The following SPOPL variants were observed in gnomAD, a reference collection of about 807,000 sequenced individuals.
SPOPL encodes the protein speckle type BTB/POZ protein like.
In SPOPL, 23 loss-of-function variants were observed where a neutral mutation model predicts 53.8. That is an observed-to-expected ratio of 0.43 (90% CI 0.31 to 0.61). The LOEUF (loss-of-function observed/expected upper bound fraction) is 0.61. SPOPL is among the 20% of genes least tolerant of loss of function. The probability of loss-of-function intolerance (pLI) is 0.12; values close to 1 mark genes in which losing one functional copy is unlikely to be tolerated. For missense variants in SPOPL, 442 were observed against 466.9 expected (o/e 0.95, Z 0.49); for synonymous variants, 164 against 149.7 (o/e 1.10, Z -0.70).
chr2:138,529,835 A>C (rs1040526603), intron 1 of SPOPL, among the ~76,000 whole-genome samples: 1 of 152,144 alleles, frequency 6.6e-6, no homozygotes, highest in Non-Finnish European at 1.5e-5. Context: ...TTTTATTTTA[A>C]GTTCAGGGGT....
chr2:138,524,211 G>A (rs1255692296), intron 1 of SPOPL, among the ~76,000 whole-genome samples: 1 of 152,182 alleles, frequency 6.6e-6, no homozygotes, highest in African/African-American at 2.4e-5. Context: ...CACCCTCTGA[G>A]GCCACAGCCT....
rs1259995471 is a variant in SPOPL at position 138,571,252 on chromosome 2, C to T, written c.*2172C>T. 6.6e-6 allele frequency: 1 copy of T among 152,356 alleles called. No individual in the cohort carries two copies. The highest frequency in any genetic ancestry group is 6.6e-5 in the Admixed American group (1 of 15,226). The allele number at this position is 152,356 out of a possible 1,614,324, so 9.4% of individuals were successfully genotyped here. ...CATTTATATCCAATGCGCACCACAC[C>T]GGCACATTGTGATTTAATTCACCGC... On this transcript the variant is annotated 3_prime_UTR_variant, in exon 11 of 11. Transcript: ENST00000280098.
intron 1 of SPOPL, among the ~76,000 whole-genome samples, chr2:138,549,460 A>G (rs916056118): frequency 6.6e-6 from 1 of 152,158 alleles, no homozygotes; most frequent in Non-Finnish European, 1.5e-5. Flanking sequence ...GTTACAAAGC[A>G]GCAGCATCTG....
At chr2:138,516,749 C>G (rs1684446456) in intron 1 of SPOPL, among the ~76,000 whole-genome samples, 1 of 152,148 alleles carries the variant, frequency 6.6e-6, no homozygotes, top group African/African-American at 2.4e-5. Context: ...TGGAAGAAGG[C>G]TGGAAAAGTG....
intron 1 of SPOPL, among the ~76,000 whole-genome samples, chr2:138,534,074 T>C (rs1684875141): frequency 6.6e-6 from 1 of 152,164 alleles, no homozygotes; most frequent in African/African-American, 2.4e-5. Context: ...GCTAACACAC[T>C]TGATATACTG....
intron 1 of SPOPL, among the ~76,000 whole-genome samples, chr2:138,504,332 C>T (rs140281376): frequency 6.6e-6 from 1 of 152,326 alleles, no homozygotes; most frequent in East Asian, 1.9e-4. Context: ...TGATTTTCAT[C>T]TCTCACTGCT....
intron 8 of SPOPL, among the ~76,000 whole-genome samples, chr2:138,561,203 C>T (rs1012100326): frequency 6.6e-6 from 1 of 151,770 alleles, no homozygotes; most frequent in Non-Finnish European, 1.5e-5. Context: ...TTTAAAAGAA[C>T]ACACACAGTG....
At chr2:138,502,189 C>G (rs941815513) in intron 1 of SPOPL, 70 bp downstream of exon 1, 1 of 152,712 alleles carries the variant, frequency 6.5e-6, no homozygotes, top group African/African-American at 2.4e-5. Flanking sequence ...CCCCGGCTCT[C>G]CGTAGACCGG....
chr2:138,550,821 CTCTCTT>C (rs759895982), intron 3 of SPOPL, 76 bp from the exon 4 acceptor site: 4 of 865,348 alleles, frequency 4.6e-6, no homozygotes, highest in South Asian at 1.9e-5. Flanking sequence ...TGTTCTCTCT[CTCTCTT>C]TCTCTCTCTC....
At chr2:138,548,239 CTTTTTTTTTTTT>C (rs34021497) in intron 1 of SPOPL, among the ~76,000 whole-genome samples, 3 of 89,016 alleles carry the variant, frequency 3.4e-5, no homozygotes, top group African/African-American at 1.3e-4. Flanking sequence ...TGAAGGTAAA[CTTTTTTTTTTTT>C]TTTTTTTTGG....
At chr2:138,559,390 G>A (rs908352103) in intron 7 of SPOPL, 53 bp downstream of exon 7, 1 of 1,514,766 alleles carries the variant, frequency 6.6e-7, no homozygotes, top group African/African-American at 1.4e-5. Flanking sequence ...AAAGTAGTTG[G>A]GTGTATGTTT....
chr2:138,547,012 C>T (rs1685210160), intron 1 of SPOPL, among the ~76,000 whole-genome samples: 1 of 152,160 alleles, frequency 6.6e-6, no homozygotes, highest in Non-Finnish European at 1.5e-5. Context: ...GTTGCCCAGG[C>T]TGGAGTGCAG....
At chr2:138,509,591 T>TA (rs74579678) in intron 1 of SPOPL, among the ~76,000 whole-genome samples, 2 of 152,052 alleles carry the variant, frequency 1.3e-5, no homozygotes, top group African/African-American at 2.4e-5. Context: ...GGTGATTTTT[T>TA]AAAAAAATAG....
At chr2:138,562,942 T>C (rs999365658) in intron 8 of SPOPL, among the ~76,000 whole-genome samples, 2 of 151,994 alleles carry the variant, frequency 1.3e-5, no homozygotes, top group Non-Finnish European at 2.9e-5. Context: ...AATGATAAAA[T>C]AGACTTCAAT....
At position 138,573,494 on chromosome 2, in the gene SPOPL, A is replaced by G. The variant is rs981778106; in HGVS notation, c.*4414A>G. 1.3e-5 allele frequency: 2 copies of G among 152,194 alleles called. No homozygotes were observed. Among genetic ancestry groups the G allele is most frequent in the Admixed American group, 1.3e-4 (2 of 15,274 alleles). The allele number at this position is 152,194 out of a possible 1,614,324, so 9.4% of individuals were successfully genotyped here. A position where few individuals can be genotyped will look rare whatever the true frequency, so the allele number is the denominator to read the frequency against. The stretch of plus-strand genomic sequence containing the variant: ...GCTACGTACCATTAATGTAACAGAG[A>G]TCACCTTTTCCCTGTCATTCCTATC... On this transcript the variant is annotated 3_prime_UTR_variant, in exon 11 of 11. Coordinates refer to ENST00000280098, the MANE Select transcript of SPOPL (RefSeq NM_001001664.3).
chr2:138,529,536 T>TGTGCGCG (rs72375808), intron 1 of SPOPL, among the ~76,000 whole-genome samples: 16 of 97,586 alleles, frequency 1.6e-4, no homozygotes, highest in African/African-American at 4.3e-4. Flanking sequence ...GTGTGTGTGT[T>TGTGCGCG]TGCGTGCGCG....
At chr2:138,507,952 A>G (rs534823405) in intron 1 of SPOPL, among the ~76,000 whole-genome samples, 1 of 152,208 alleles carries the variant, frequency 6.6e-6, no homozygotes, top group African/African-American at 2.4e-5. Flanking sequence ...CCAGTGACTT[A>G]TTATGGAAGA....
intron 8 of SPOPL, among the ~76,000 whole-genome samples, chr2:138,562,325 A>G (rs1685567295): frequency 6.6e-6 from 1 of 152,224 alleles, no homozygotes; most frequent in African/African-American, 2.4e-5. Flanking sequence ...AAGATGGGCA[A>G]ATAATGGAAC....
chr2:138,540,342 G>T (rs1259889189), intron 1 of SPOPL, among the ~76,000 whole-genome samples: 2 of 152,156 alleles, frequency 1.3e-5, no homozygotes, highest in African/African-American at 4.8e-5. Flanking sequence ...TTGGCAGTAT[G>T]GCCATTTTCA....
Sources: allele counts gnomAD v4.1 joint callset (sites outside exome capture counted in the v4.1 genomes callset), GRCh38; gene constraint gnomAD v4.1.1; transcripts MANE v1.5; gene names NCBI Gene and HGNC (gene_info 2026-07-23, HGNC 2026-07-21).